Variants in ZNF292 observed in about 807,000 individuals in gnomAD.
The protein encoded by ZNF292 is 16 zinc-finger domain protein.
In ZNF292, 26 loss-of-function variants were observed where a neutral mutation model predicts 217.9. The observed-to-expected ratio is 0.12, with a 90% CI of 0.09 to 0.17. The LOEUF (loss-of-function observed/expected upper bound fraction) is 0.17, where lower values mean the gene tolerates loss of function less well. Among genes scored for constraint, ZNF292 ranks in the 10% least tolerant of loss-of-function variants. ZNF292 has a pLI of 1.00. For synonymous variants in ZNF292, 1,257 were observed against 1,124.1 expected, an observed-to-expected ratio of 1.12 and a Z score of -2.37; for missense variants, 2,904 against 3,175.2, an observed-to-expected ratio of 0.91 and a Z score of 2.05.
chr6:87,183,130 A>G (rs1013782996), intron 1 of ZNF292, among the ~76,000 whole-genome samples: 5 of 152,178 alleles, frequency 3.3e-5, no homozygotes, highest in African/African-American at 9.6e-5. Context: ...ATAAAGTTAC[A>G]AATAGTCATT....
chr6:87,171,088 T>C (rs929575270), intron 1 of ZNF292, among the ~76,000 whole-genome samples: 1 of 152,152 alleles, frequency 6.6e-6, no homozygotes, highest in Non-Finnish European at 1.5e-5. Flanking sequence ...AAATTACTGA[T>C]TAATTTGTTT....
At position 87,217,697 on chromosome 6, in the gene ZNF292, A is replaced by G. The variant is rs116533946; in HGVS notation, c.403-899A>G. Among the ~76,000 whole-genome samples the G allele has an allele frequency of 9.7e-3, 1,474 of 152,240 alleles. 18 individuals carry two copies. Among genetic ancestry groups the G allele is most frequent in the African/African-American group, 0.033 (1,391 of 41,576 alleles). ...AGGAAGTAACTCTTTACATCCCTCT[A>G]CATTCAGTTACTTAAAGAAAACTTA... On this transcript the variant is annotated intron_variant, in intron 3 of 7. Coordinates refer to ENST00000369577, the MANE Select transcript of ZNF292 (RefSeq NM_015021.3).
At chr6:87,241,279 G>A (rs865902153) in intron 5 of ZNF292, among the ~76,000 whole-genome samples, 28 of 151,550 alleles carry the variant, frequency 1.8e-4, no homozygotes, top group African/African-American at 3.7e-4. Flanking sequence ...GCAAGACTCC[G>A]TCTCATAAAT....
rs542131126 is a variant in ZNF292, at chr6:87,192,984, A to G, written c.169-22919A>G. On this transcript the variant is annotated intron_variant, in intron 1 of 7. Coordinates refer to ENST00000369577, the MANE Select transcript of ZNF292 (RefSeq NM_015021.3). ...TATGAAGAATCTTGAAGCAAAAAAC[A>G]TTAAATATGAGGAAGTTATTTTCTA... 4.6e-5 allele frequency among the ~76,000 whole-genome samples: 7 copies of G among 152,346 alleles called. 1 individual carries two copies. The East Asian group carries it at 7.7e-4, about 17-fold the overall frequency.
intron 1 of ZNF292, among the ~76,000 whole-genome samples, chr6:87,200,177 A>G (rs1373186720): frequency 6.6e-6 from 1 of 152,182 alleles, no homozygotes; most frequent in African/African-American, 2.4e-5. Context: ...ATATTTAGCT[A>G]TATGTTGGGC....
chr6:87,211,127 T>C (rs1309762845), intron 1 of ZNF292, among the ~76,000 whole-genome samples: 1 of 152,210 alleles, frequency 6.6e-6, no homozygotes, highest in Non-Finnish European at 1.5e-5. Context: ...CTCCTTTCAG[T>C]ATCCTCAACT....
intron 1 of ZNF292, chr6:87,173,286 A>G (rs1771168152): frequency 6.6e-6 from 1 of 152,240 alleles, no homozygotes; most frequent in Non-Finnish European, 1.5e-5. Flanking sequence ...ATATCATTCA[A>G]AACATTTATT....
chr6:87,209,104 ACC>A lies in ZNF292; in HGVS notation c.169-6792_169-6791del, dbSNP rs5878022. ...TTATCTCATTTTTAGCCCCACTTTC[ACC>A]CCCCCCTCCCCATTTTCAGAGGCAT... On this transcript the variant is annotated intron_variant, in intron 1 of 7. Transcript: ENST00000369577. Among the ~76,000 whole-genome samples the A allele has an allele frequency of 1.0e-4, 14 of 137,400 alleles. 1 individual carries two copies. The highest frequency in any genetic ancestry group is 3.6e-3 in the Middle Eastern group (1 of 274). The allele number at this position is 137,400 out of a possible 152,430, so 90.1% of individuals were successfully genotyped here. A position where few individuals can be genotyped will look rare whatever the true frequency, so the allele number is the denominator to read the frequency against.
intron 4 of ZNF292, 95 bp downstream of exon 4, chr6:87,218,826 A>G: frequency 1.5e-6 from 2 of 1,316,002 alleles, no homozygotes; most frequent in Non-Finnish European, 2.0e-6. Context: ...AAGATATTCC[A>G]AAGAAGGACC....
At position 87,260,420 on chromosome 6, in the gene ZNF292, A is replaced by G. The variant is rs775836342; in HGVS notation, c.6791A>G (p.Asp2264Gly). Residue 2264 changes from aspartate (D) to glycine (G), a missense_variant, in exon 8 of 8, where the codon GAC becomes GGC. By Grantham distance (94) the Asp-to-Gly change is moderately conservative. Around this residue, in one of 15 missense-constraint regions of ZNF292, gnomAD observed 55 missense variants for 99.8 expected, o/e 0.55. Coordinates refer to ENST00000369577, the MANE Select transcript of ZNF292 (RefSeq NM_015021.3). ...GVYKCDCEGC[D>G]RIYATRSNLL... ...TACAAATGTGATTGTGAAGGCTGTG[A>G]CCGTATATATGCAACCCGGTCGAAT... 2 of 1,613,686 alleles carry G rather than the reference A, an allele frequency of 1.2e-6. No homozygotes were observed. Among genetic ancestry groups the G allele is most frequent in the Non-Finnish European group, 1.7e-6 (2 of 1,179,698 alleles).
At chr6:87,195,655 A>C (rs1771935247) in intron 1 of ZNF292, among the ~76,000 whole-genome samples, 1 of 152,224 alleles carries the variant, frequency 6.6e-6, no homozygotes, top group Admixed American at 6.5e-5. Flanking sequence ...TGTATTGGGA[A>C]ATGGAAAAGA....
chr6:87,196,575 T>G (rs1771958429), intron 1 of ZNF292, among the ~76,000 whole-genome samples: 1 of 152,244 alleles, frequency 6.6e-6, no homozygotes, highest in South Asian at 2.1e-4. Context: ...TGCACATCTC[T>G]TATTTACTTA....
chr6:87,201,885 A>G (rs73483752), intron 1 of ZNF292, among the ~76,000 whole-genome samples: 12,437 of 152,188 alleles, frequency 0.082, 864 homozygotes, highest in African/African-American at 0.19. Context: ...TTTATATACC[A>G]TGCTCTCACA....
chr6:87,176,077 G>A (rs935562220), intron 1 of ZNF292, among the ~76,000 whole-genome samples: 1 of 152,156 alleles, frequency 6.6e-6, no homozygotes, highest in South Asian at 2.1e-4. Context: ...GTGGTGGGGG[G>A]GGCTTTCCCT....
rs527254896 is a variant in ZNF292, at chr6:87,181,080, C to G, written c.168+25321C>G. Among the ~76,000 whole-genome samples, 392 of 152,254 alleles carry G rather than the reference C, an allele frequency of 2.6e-3. 2 individuals are homozygous for G. The highest frequency in any genetic ancestry group is 9.1e-3 in the African/African-American group (376 of 41,538). The stretch of plus-strand genomic sequence containing the variant: ...CCTGCAACCCCACTGTTACAAAGCT[C>G]TTTCTTTCAGCTTTGCCGTCTGCAG... On this transcript the variant is annotated intron_variant, in intron 1 of 7. Transcript: ENST00000369577.
intron 1 of ZNF292, among the ~76,000 whole-genome samples, chr6:87,165,447 A>G (rs1770883041): frequency 6.6e-6 from 1 of 152,202 alleles, no homozygotes; most frequent in Non-Finnish European, 1.5e-5. Flanking sequence ...AGTAAGATAT[A>G]ACTTTATTTT....
intron 1 of ZNF292, among the ~76,000 whole-genome samples, chr6:87,163,014 C>G (rs1392444213): frequency 6.6e-6 from 1 of 152,152 alleles, no homozygotes; most frequent in African/African-American, 2.4e-5. Flanking sequence ...CCTCCTGATT[C>G]ATTGTTTTTC....
At chr6:87,184,428 C>G (rs552490763) in intron 1 of ZNF292, among the ~76,000 whole-genome samples, 3 of 144,868 alleles carry the variant, frequency 2.1e-5, no homozygotes, top group Admixed American at 1.4e-4. Flanking sequence ...AAACTTCTGT[C>G]TTTCACCATT....
Position 87,258,646 on chromosome 6 carries a change from G to T in ZNF292, c.5017G>T (p.Val1673Leu). Residue 1673 changes from valine (V) to leucine (L), a missense_variant, in exon 8 of 8, where the codon GTA becomes TTA. Physicochemically the swap from Val to Leu is conservative, Grantham distance 32 (BLOSUM62 1). Coordinates refer to ENST00000369577, the MANE Select transcript of ZNF292 (RefSeq NM_015021.3). ...CCCAACTACTAACCTTCATTCAAAT[G>T]TAATTCCAACTTGTGAACCTCAGAG... ...EIPTTNLHSN[V>L]IPTCEPQSLV... 6.2e-7 allele frequency: 1 copy of T among 1,613,560 alleles called. No homozygotes were observed. The highest frequency in any genetic ancestry group is 8.5e-7 in the Non-Finnish European group (1 of 1,179,732).
Sources: allele counts gnomAD v4.1 joint callset (sites outside exome capture counted in the v4.1 genomes callset), GRCh38; gene constraint gnomAD v4.1.1; regional missense constraint gnomAD v4.1.1; transcripts MANE v1.5; gene names NCBI Gene and HGNC (gene_info 2026-07-23, HGNC 2026-07-21).